ST8SIA5: variants seen among roughly 807,000 people sequenced by gnomAD.
ST8SIA5 encodes the protein alpha-2,8-sialyltransferase 8E.
ST8SIA5 carries 24 observed loss-of-function variants against 40.2 expected under a neutral mutation model. The ratio of observed to expected loss-of-function variants is 0.60; its 90% CI spans 0.43 to 0.84. The LOEUF is 0.84. Among genes scored for constraint, ST8SIA5 ranks in the 40% least tolerant of loss-of-function variants. The pLI is 0.00. For missense variants in ST8SIA5, 465 were observed against 498.5 expected (o/e 0.93, Z 0.64); for synonymous variants, 198 against 201.8 (o/e 0.98, Z 0.16).
intron 2 of ST8SIA5, among the ~76,000 whole-genome samples, chr18:46,694,650 C>T (rs908369106): frequency 1.3e-5 from 2 of 152,094 alleles, no homozygotes; most frequent in Non-Finnish European, 2.9e-5. Context: ...GACCAGCCTT[C>T]AGGAGCTGAG....
At chr18:46,699,630 C>T (rs982153598) in intron 2 of ST8SIA5, among the ~76,000 whole-genome samples, 6 of 152,192 alleles carry the variant, frequency 3.9e-5, no homozygotes, top group Non-Finnish European at 7.3e-5. Context: ...CCACCCGCCT[C>T]GGCCTCCCAA....
rs556922417 is a variant in ST8SIA5, at chr18:46,677,162, T to G, written c.*2880A>C. 1 of 152,174 alleles carries G rather than the reference T, an allele frequency of 6.6e-6. No homozygotes were observed. The highest frequency in any genetic ancestry group is 2.4e-5 in the African/African-American group (1 of 41,436). 9.4% of individuals were successfully genotyped at this position (152,174 alleles called of 1,614,324 possible). A position where few individuals can be genotyped will look rare whatever the true frequency, so the allele number is the denominator to read the frequency against. ...CGGACGATGACAGCCTCCTAGAGCATTTGTCCCTGGAGGAGGGCCCCGTAC... is the reference window on the plus strand; with the variant it reads ...CGGACGATGACAGCCTCCTAGAGCAGTTGTCCCTGGAGGAGGGCCCCGTAC... On this transcript the variant is annotated 3_prime_UTR_variant, in exon 7 of 7. Transcript: ENST00000315087.
chr18:46,753,535 G>A (rs7229768), intron 1 of ST8SIA5, among the ~76,000 whole-genome samples: 1 of 150,164 alleles, frequency 6.7e-6, no homozygotes, highest in Admixed American at 6.6e-5. Flanking sequence ...ATCGCGCCAC[G>A]GCACTCCAGC....
In ST8SIA5 at chr18:46,676,736, C is replaced by CG. The variant is rs1223089289; in HGVS notation, c.*3305dup. ...GAAGACATGATGGTTGTTTTGTTTA[C>CG]GGGAATCGATTTCCCTTGAATAATA... On this transcript the variant is annotated 3_prime_UTR_variant, in exon 7 of 7. Coordinates refer to ENST00000315087, the MANE Select transcript of ST8SIA5 (RefSeq NM_013305.6). 1 of 152,190 alleles carries CG rather than the reference C, an allele frequency of 6.6e-6. No individual in the cohort carries two copies. Among genetic ancestry groups the CG allele is most frequent in the Non-Finnish European group, 1.5e-5 (1 of 68,034 alleles). The allele number at this position is 152,190 out of a possible 1,614,324, so 9.4% of individuals were successfully genotyped here.
chr18:46,718,221 T>G (rs1309644524), intron 1 of ST8SIA5, among the ~76,000 whole-genome samples: 2 of 150,630 alleles, frequency 1.3e-5, no homozygotes, highest in Admixed American at 1.3e-4. Context: ...TCCCAGCTAC[T>G]CAGTAGGCTG....
intron 1 of ST8SIA5, among the ~76,000 whole-genome samples, chr18:46,729,371 A>AG (rs902792183): frequency 9.2e-5 from 14 of 152,254 alleles, no homozygotes; most frequent in Admixed American, 7.2e-4. Flanking sequence ...GAGTGGGGAA[A>AG]GGGGGCCAGG....
At position 46,674,497 on chromosome 18, in the gene ST8SIA5, AT is replaced by A. The variant is rs2144445248; in HGVS notation, c.*5544del. ...ATTTCCCCAAGGTGTTACTCAGTTT[AT>A]TAGCGGGGTATCCTGAACTGCTGGA... On this transcript the variant is annotated 3_prime_UTR_variant, in exon 7 of 7. Transcript: ENST00000315087. The A allele has an allele frequency of 6.6e-6, 1 of 152,364 alleles. No homozygotes were observed. The highest frequency in any genetic ancestry group is 6.5e-5 in the Admixed American group (1 of 15,308). 9.4% of individuals were successfully genotyped at this position (152,364 alleles called of 1,614,324 possible).
At chr18:46,681,247 T>C (rs2039392250) in intron 6 of ST8SIA5, among the ~76,000 whole-genome samples, 1 of 152,062 alleles carries the variant, frequency 6.6e-6, no homozygotes, top group African/African-American at 2.4e-5. Context: ...CAAAGTGCTG[T>C]GGTTATAGGC....
At chr18:46,714,269 T>C (rs2039763115) in intron 1 of ST8SIA5, among the ~76,000 whole-genome samples, 1 of 152,210 alleles carries the variant, frequency 6.6e-6, no homozygotes, top group Non-Finnish European at 1.5e-5. Flanking sequence ...CTTAACCTTG[T>C]GAGCATCCCC....
chr18:46,716,720 G>A (rs766165019), intron 1 of ST8SIA5, among the ~76,000 whole-genome samples: 2 of 152,216 alleles, frequency 1.3e-5, no homozygotes, highest in African/African-American at 2.4e-5. Flanking sequence ...GAGGCTCCTC[G>A]GGATTTGGGG....
rs1304498252 is a variant in ST8SIA5, at chr18:46,671,813, T to G, written c.*8229A>C. The G allele has an allele frequency of 6.6e-6, 1 of 152,094 alleles. No individual in the cohort carries two copies. Among genetic ancestry groups the G allele is most frequent in the Non-Finnish European group, 1.5e-5 (1 of 68,054 alleles). 9.4% of individuals were successfully genotyped at this position (152,094 alleles called of 1,614,324 possible). On this transcript the variant is annotated 3_prime_UTR_variant, in exon 7 of 7. Transcript: ENST00000315087. ...ACCTTTAAGAAGTCTCACGCCTGAG[T>G]CAGACTGAGGGAAGGAAGGGTCCAC...
chr18:46,698,540 C>T (rs2039579779), intron 2 of ST8SIA5, among the ~76,000 whole-genome samples: 1 of 152,232 alleles, frequency 6.6e-6, no homozygotes, highest in African/African-American at 2.4e-5. Flanking sequence ...ACCACGCCAA[C>T]AGTCCAAACA....
intron 1 of ST8SIA5, among the ~76,000 whole-genome samples, chr18:46,716,097 T>C (rs889815336): frequency 8.0e-6 from 1 of 124,510 alleles, no homozygotes; most frequent in African/African-American, 3.6e-5. Context: ...GATAGATAGA[T>C]AGATAGATAG....
intron 1 of ST8SIA5, among the ~76,000 whole-genome samples, chr18:46,751,850 TAAA>T (rs888478853): frequency 2.6e-5 from 4 of 152,128 alleles, no homozygotes; most frequent in African/African-American, 7.2e-5. Context: ...TTCCCAATCA[TAAA>T]AGTTTGAAAA....
intron 1 of ST8SIA5, among the ~76,000 whole-genome samples, chr18:46,712,399 C>A (rs187994213): frequency 5.9e-5 from 9 of 152,316 alleles, no homozygotes; most frequent in South Asian, 4.1e-4. Context: ...CCCATCTCCA[C>A]CCCAGTGCCA....
rs1422388471 is a variant in ST8SIA5, at chr18:46,675,554, AG to A, written c.*4487del. The A allele has an allele frequency of 6.6e-6, 1 of 152,194 alleles. No individual in the cohort carries two copies. The highest frequency in any genetic ancestry group is 1.5e-5 in the Non-Finnish European group (1 of 68,062). The allele number at this position is 152,194 out of a possible 1,614,324, so 9.4% of individuals were successfully genotyped here. A position where few individuals can be genotyped will look rare whatever the true frequency, so the allele number is the denominator to read the frequency against. ...CTAGGGAGGACTGGCCTGCAGGTAG[AG>A]GGGTTAAGATGCCAGGGCAGAAGAT... On this transcript the variant is annotated 3_prime_UTR_variant, in exon 7 of 7. Transcript: ENST00000315087.
chr18:46,712,499 CAG>C (rs1017869234), intron 1 of ST8SIA5, among the ~76,000 whole-genome samples: 7 of 152,220 alleles, frequency 4.6e-5, no homozygotes, highest in African/African-American at 1.7e-4. Context: ...ACTCATTCAG[CAG>C]AGTCAGCCCA....
chr18:46,719,668 CTCTT>C (rs920448188), intron 1 of ST8SIA5, among the ~76,000 whole-genome samples: 3 of 18,512 alleles, frequency 1.6e-4, no homozygotes, highest in African/African-American at 3.4e-4. Flanking sequence ...TTCTATCTTT[CTCTT>C]TCTTTTCTTT....
rs1379533190 is a variant in ST8SIA5 at position 46,756,675 on chromosome 18, G to A, written c.-167C>T. On this transcript the variant is annotated 5_prime_UTR_variant, in exon 1 of 7. Coordinates refer to ENST00000315087, the MANE Select transcript of ST8SIA5 (RefSeq NM_013305.6). ...TCTGGTTGGCGCGGCCGGAGCTGGG[G>A]GCATCCAAGCGTCGCAGGCGCTGGG... is the stretch of plus-strand genomic sequence containing the variant. The A allele has an allele frequency of 6.5e-6, 5 of 770,512 alleles. No homozygotes were observed. The highest frequency in any genetic ancestry group is 9.9e-6 in the Non-Finnish European group (5 of 506,122). 47.7% of individuals were successfully genotyped at this position (770,512 alleles called of 1,614,324 possible). A position where few individuals can be genotyped will look rare whatever the true frequency, so the allele number is the denominator to read the frequency against.
Sources: gnomAD v4.1 joint callset for allele counts (sites outside exome capture counted in the v4.1 genomes callset) on GRCh38, gnomAD v4.1.1 for gene constraint, MANE v1.5 for transcripts, NCBI Gene and HGNC (gene_info 2026-07-23, HGNC 2026-07-21) for gene names.